NRXN3: variants seen among roughly 807,000 people sequenced by gnomAD.
The protein encoded by NRXN3 is neurexin III.
NRXN3 carries 32 observed loss-of-function variants against 137.6 expected under a neutral mutation model. That is an observed-to-expected ratio of 0.23 (90% CI 0.18 to 0.31). The LOEUF is 0.31. NRXN3 is among the 10% of genes least tolerant of loss of function. The pLI, the probability that NRXN3 is intolerant of heterozygous loss-of-function variation, is 1.00. For missense variants in NRXN3, 1,574 were observed against 2,062.5 expected, an observed-to-expected ratio of 0.76 and a Z score of 4.59; for synonymous variants, 798 against 784.5, an observed-to-expected ratio of 1.02 and a Z score of -0.29.
chr14:79,721,461 AAGT>A (rs1349405223), intron 19 of NRXN3, among the ~76,000 whole-genome samples: 6 of 152,182 alleles, frequency 3.9e-5, no homozygotes, highest in African/African-American at 1.4e-4. Flanking sequence ...CATTGTGAAT[AAGT>A]AGAATTACTA....
intron 4 of NRXN3, among the ~76,000 whole-genome samples, chr14:78,589,503 T>C (rs1434175953): frequency 6.6e-6 from 1 of 152,210 alleles, no homozygotes; most frequent in Non-Finnish European, 1.5e-5. Flanking sequence ...ACCTTCCCCA[T>C]GAAATCACCA....
intron 19 of NRXN3, among the ~76,000 whole-genome samples, chr14:79,766,768 G>C (rs2099057349): frequency 6.6e-6 from 1 of 152,182 alleles, no homozygotes; most frequent in African/African-American, 2.4e-5. Context: ...TTAAAGCCAA[G>C]CTACAAAGGA....
chr14:78,570,169 G>A (rs1456508475), intron 4 of NRXN3, among the ~76,000 whole-genome samples: 2 of 152,188 alleles, frequency 1.3e-5, no homozygotes, highest in African/African-American at 4.8e-5. Flanking sequence ...CCTTTGGGAG[G>A]TAATTAGATC....
At chr14:78,986,805 G>A (rs377290969) in intron 14 of NRXN3, among the ~76,000 whole-genome samples, 44 of 151,960 alleles carry the variant, frequency 2.9e-4, no homozygotes, top group African/African-American at 9.9e-4. Flanking sequence ...GGCAGATCAC[G>A]AGGTCAGGAG....
At chr14:79,604,017 G>A (rs221432) in intron 16 of NRXN3, among the ~76,000 whole-genome samples, 73,582 of 151,432 alleles carry the variant, frequency 0.49, 19,962 homozygotes, top group African/African-American at 0.74. Flanking sequence ...CCTCCCGAGT[G>A]GCTGGAATTA....
intron 4 of NRXN3, among the ~76,000 whole-genome samples, chr14:78,573,827 A>G (rs1331368153): frequency 1.3e-5 from 2 of 152,254 alleles, no homozygotes; most frequent in Non-Finnish European, 2.9e-5. Flanking sequence ...AAATTTGCAT[A>G]AGTAATGAGG....
intron 10 of NRXN3, among the ~76,000 whole-genome samples, chr14:78,877,773 A>G (rs761322784): frequency 9.2e-5 from 14 of 152,234 alleles, no homozygotes; most frequent in Non-Finnish European, 1.8e-4. Flanking sequence ...GAAATTAATT[A>G]AAAATGAACT....
intron 19 of NRXN3, among the ~76,000 whole-genome samples, chr14:79,764,209 T>C (rs1034426237): frequency 1.3e-5 from 2 of 151,960 alleles, no homozygotes; most frequent in Admixed American, 1.3e-4. Context: ...AAAACTCTGT[T>C]GAACAGGGAA....
intron 15 of NRXN3, among the ~76,000 whole-genome samples, chr14:79,359,212 T>G (rs1435243412): frequency 6.6e-6 from 1 of 152,194 alleles, no homozygotes; most frequent in Non-Finnish European, 1.5e-5. Context: ...CTCATTAAGT[T>G]CTGATTGCTT....
chr14:79,399,037 A>G (rs3953267), intron 15 of NRXN3, among the ~76,000 whole-genome samples: 14 of 149,508 alleles, frequency 9.4e-5, no homozygotes, highest in African/African-American at 2.4e-4. Flanking sequence ...AGAAGAAGAA[A>G]AAAAAAAAGC....
chr14:79,463,770 G>A (rs967379322), intron 15 of NRXN3, among the ~76,000 whole-genome samples: 19 of 151,990 alleles, frequency 1.3e-4, no homozygotes, highest in Admixed American at 6.6e-5. Flanking sequence ...TACTGAACAC[G>A]GTGAGAAACC....
chr14:78,666,104 A>G (rs2097884107), intron 6 of NRXN3, among the ~76,000 whole-genome samples: 1 of 152,126 alleles, frequency 6.6e-6, no homozygotes, highest in South Asian at 2.1e-4. Flanking sequence ...TCTTTTAAAA[A>G]TTGTGGTAAA....
At chr14:79,038,807 C>T (rs144919058) in intron 15 of NRXN3, among the ~76,000 whole-genome samples, 3 of 152,184 alleles carry the variant, frequency 2.0e-5, no homozygotes, top group East Asian at 1.9e-4. Context: ...GAAGTACAGG[C>T]GAGCAGGAAT....
chr14:79,578,266 C>T lies in NRXN3; in HGVS notation c.3445-85512C>T, dbSNP rs140959208. On this transcript the variant is annotated intron_variant, in intron 16 of 20. Coordinates refer to ENST00000335750, the MANE Select transcript of NRXN3 (RefSeq NM_001330195.2). ...CTCCAGATGTGTAGCTTCCAGTTGC[C>T]CTCTCCCATGGGGTCAAATAACTCC... Among the ~76,000 whole-genome samples, 1,011 of 152,244 alleles carry T rather than the reference C, an allele frequency of 6.6e-3. 14 individuals are homozygous for T. The highest frequency in any genetic ancestry group is 0.044 in the Middle Eastern group (13 of 294).
intron 8 of NRXN3, among the ~76,000 whole-genome samples, chr14:78,735,679 C>G (rs1368811718): frequency 1.3e-5 from 2 of 152,094 alleles, no homozygotes; most frequent in African/African-American, 4.8e-5. Context: ...GTGGATCAGT[C>G]AATTCTTATC....
intron 15 of NRXN3, among the ~76,000 whole-genome samples, chr14:79,160,150 G>T (rs1195948335): frequency 6.6e-6 from 1 of 151,846 alleles, no homozygotes; most frequent in Admixed American, 6.6e-5. Flanking sequence ...TTATGAAATG[G>T]CCTCATTTCA....
At chr14:78,370,479 T>G (rs533638587) in intron 4 of NRXN3, among the ~76,000 whole-genome samples, 76 of 152,338 alleles carry the variant, frequency 5.0e-4, no homozygotes, top group Non-Finnish European at 2.4e-4. Context: ...TTACTTCATT[T>G]GTGATAGCAC....
chr14:79,575,767 A>G lies in NRXN3; in HGVS notation c.3445-88011A>G, dbSNP rs541380777. Among the ~76,000 whole-genome samples the G allele has an allele frequency of 5.9e-5, 9 of 152,288 alleles. No individual in the cohort carries two copies. The East Asian group carries it at 1.7e-3, about 29-fold the overall frequency. On this transcript the variant is annotated intron_variant, in intron 16 of 20. Coordinates refer to ENST00000335750, the MANE Select transcript of NRXN3 (RefSeq NM_001330195.2). ...ATACATATGTCTGAGACTTAGGTCAATTATTTTCATGCAGAAATCGGGGAG... is the reference window on the plus strand; with the variant it reads ...ATACATATGTCTGAGACTTAGGTCAGTTATTTTCATGCAGAAATCGGGGAG...
intron 16 of NRXN3, among the ~76,000 whole-genome samples, chr14:79,540,066 T>C (rs1219407779): frequency 6.6e-6 from 1 of 152,160 alleles, no homozygotes; most frequent in Non-Finnish European, 1.5e-5. Context: ...ATTACAGTTC[T>C]AATGAATAGA....
Sources: gnomAD v4.1 joint callset for allele counts (sites outside exome capture counted in the v4.1 genomes callset) on GRCh38, gnomAD v4.1.1 for gene constraint, MANE v1.5 for transcripts, NCBI Gene and HGNC (gene_info 2026-07-23, HGNC 2026-07-21) for gene names.